Variants in KLHL13 observed in about 807,000 individuals in gnomAD.
KLHL13 encodes kelch like family member 13, also known as kelch-like protein 13.
Under a neutral mutation model 37.1 loss-of-function variants are expected in KLHL13, and 10 were observed. The observed-to-expected ratio is 0.27, with a 90% CI of 0.17 to 0.46. The LOEUF (loss-of-function observed/expected upper bound fraction) is 0.46. Among genes scored for constraint, KLHL13 ranks in the 20% least tolerant of loss-of-function variants. The pLI is 1.00. For synonymous variants in KLHL13, 163 were observed against 181.2 expected, an observed-to-expected ratio of 0.90 and a Z score of 0.81; for missense variants, 360 against 509.3, an observed-to-expected ratio of 0.71 and a Z score of 2.82.
At chrX:118,002,179 A>C (rs1303553943) in intron 1 of KLHL13, among the ~76,000 whole-genome samples, 2 of 111,994 alleles carry the variant, frequency 1.8e-5, no homozygotes, top group Non-Finnish European at 3.8e-5. Flanking sequence ...GGTTAGATGC[A>C]CGAAATAGAT....
At chrX:117,975,177 TAC>T (rs760035096), upstream of KLHL13, among the ~76,000 whole-genome samples, 77 of 102,926 alleles carry the variant, frequency 7.5e-4, no homozygotes, top group African/African-American at 1.3e-3. Flanking sequence ...GAGAAATACA[TAC>T]ACACACACAC....
chrX:117,930,730 A>AC (rs1042309096), intron 2 of KLHL13, among the ~76,000 whole-genome samples: 11 of 111,590 alleles, frequency 9.9e-5, no homozygotes, highest in Non-Finnish European at 1.9e-4. Flanking sequence ...AACTTATTGT[A>AC]CCCCAACCTG....
chrX:118,091,997 G>A (rs762125114), intron 1 of KLHL13, among the ~76,000 whole-genome samples: 11 of 111,806 alleles, frequency 9.8e-5, no homozygotes, highest in Non-Finnish European at 7.5e-5. Context: ...CTCATATGCG[G>A]GAGCTAAGCT....
chrX:117,911,441 CAG>C (rs775165985), intron 4 of KLHL13, among the ~76,000 whole-genome samples: 178 of 111,957 alleles, frequency 1.6e-3, no homozygotes, highest in Non-Finnish European at 2.5e-3. Flanking sequence ...GATATACATG[CAG>C]AACGTGCAGG....
chrX:118,085,796 GGTGTGTGTGTGTGTGTGTGTGT>G (rs4025518), intron 1 of KLHL13, among the ~76,000 whole-genome samples: 6 of 85,602 alleles, frequency 7.0e-5, no homozygotes, highest in African/African-American at 2.1e-4. Flanking sequence ...AATATTCCAT[GGTGTGTGTGTGTGTGTGTGTGT>G]GTGTGTGTGT....
intron 4 of KLHL13, among the ~76,000 whole-genome samples, chrX:117,914,729 C>A (rs1294428003): frequency 2.7e-5 from 3 of 112,080 alleles, no homozygotes; most frequent in Non-Finnish European, 5.6e-5. Flanking sequence ...GAGGTGAATG[C>A]CACTGGTGTC....
At position 118,074,955 on chromosome X, in the gene KLHL13, G is replaced by T. The variant is rs193170737; in HGVS notation, c.-56+41553C>A. Among the ~76,000 whole-genome samples the T allele has an allele frequency of 9.8e-5, 11 of 111,750 alleles. No individual in the cohort carries two copies. The Admixed American group carries it at 1.0e-3, about 11-fold the overall frequency. ...GGGAAATAATACATTGTAAACTACT[G>T]GTTCAGCCCCTTTGGATTGGAAATT... On this transcript the variant is annotated intron_variant, in intron 1 of 6. Coordinates refer to the KLHL13 transcript ENST00000371882.
At chrX:118,098,721 T>C (rs890932694) in intron 1 of KLHL13, among the ~76,000 whole-genome samples, 1 of 105,446 alleles carries the variant, frequency 9.5e-6, no homozygotes, top group Non-Finnish European at 1.9e-5. Context: ...GTGGCACATA[T>C]ACACCATGGA....
rs768323098 is a variant in KLHL13, at chrX:118,101,680, A to T, written c.-56+14828T>A. ...ATCTCATCTCAATTTATAATCCCCA[A>T]GTGTGGAGGGAGGGACCTGTAATCC... On this transcript the variant is annotated intron_variant, in intron 1 of 6. Transcript: ENST00000371882. Among the ~76,000 whole-genome samples, 24 of 111,287 alleles carry T rather than the reference A, an allele frequency of 2.2e-4. No homozygotes were observed. In the South Asian group the frequency reaches 7.7e-3, roughly 36 times the overall value.
intron 1 of KLHL13, among the ~76,000 whole-genome samples, chrX:118,023,568 T>C (rs2054243779): frequency 9.0e-6 from 1 of 111,406 alleles, no homozygotes; most frequent in Admixed American, 9.6e-5. Flanking sequence ...ATTCCCTTCA[T>C]ATATTCCATT....
chrX:118,006,051 C>T (rs1481326087), intron 1 of KLHL13, among the ~76,000 whole-genome samples: 1 of 111,677 alleles, frequency 9.0e-6, no homozygotes, highest in Non-Finnish European at 1.9e-5. Flanking sequence ...GCACACATAG[C>T]AAAGTTTAGA....
At chrX:118,083,395 A>G (rs1441373682) in intron 1 of KLHL13, among the ~76,000 whole-genome samples, 1 of 112,000 alleles carries the variant, frequency 8.9e-6, no homozygotes, top group African/African-American at 3.3e-5. Flanking sequence ...AACACTATTC[A>G]GCCATAACAA....
At chrX:117,997,418 C>A (rs1157721912) in intron 1 of KLHL13, among the ~76,000 whole-genome samples, 1 of 111,759 alleles carries the variant, frequency 8.9e-6, no homozygotes, top group Non-Finnish European at 1.9e-5. Flanking sequence ...ACATAATGTT[C>A]TATCTTGTAG....
At chrX:118,089,453 G>C (rs902706474) in intron 1 of KLHL13, among the ~76,000 whole-genome samples, 5 of 108,792 alleles carry the variant, frequency 4.6e-5, no homozygotes, top group African/African-American at 1.0e-4. Flanking sequence ...AGGAAACCTG[G>C]CTGTCTAGAC....
intron 1 of KLHL13, among the ~76,000 whole-genome samples, chrX:118,033,349 C>T (rs1018406379): frequency 1.8e-5 from 2 of 111,164 alleles, no homozygotes; most frequent in Admixed American, 1.9e-4. Flanking sequence ...AGAGAAAGGT[C>T]GGGTTACCCT....
intron 1 of KLHL13, among the ~76,000 whole-genome samples, chrX:118,068,869 C>T (rs1009024183): frequency 9.0e-6 from 1 of 110,796 alleles, no homozygotes; most frequent in Non-Finnish European, 1.9e-5. Context: ...TGTCCCTTCC[C>T]TGTGGGGCCA....
At chrX:117,917,547 T>G (rs1315595060) in intron 4 of KLHL13, among the ~76,000 whole-genome samples, 1 of 112,545 alleles carries the variant, frequency 8.9e-6, no homozygotes, top group Non-Finnish European at 1.9e-5. Flanking sequence ...TTACTGGAAA[T>G]TAGCAATACA....
At chrX:117,923,652 CT>C (rs1192267024) in intron 2 of KLHL13, among the ~76,000 whole-genome samples, 1 of 111,347 alleles carries the variant, frequency 9.0e-6, no homozygotes, top group East Asian at 2.8e-4. Flanking sequence ...CTACATATTA[CT>C]TTTTTTTCCC....
intron 1 of KLHL13, among the ~76,000 whole-genome samples, chrX:118,001,334 T>G (rs1041010873): frequency 8.9e-6 from 1 of 111,841 alleles, no homozygotes; most frequent in African/African-American, 3.3e-5. Flanking sequence ...CTGCAGGCCA[T>G]GGATAGATGA....
Sources: allele counts gnomAD v4.1 joint callset (sites outside exome capture counted in the v4.1 genomes callset), GRCh38; gene constraint gnomAD v4.1.1; transcripts MANE v1.5; gene names NCBI Gene and HGNC (gene_info 2026-07-23, HGNC 2026-07-21).